The following FARP1 variants were observed in gnomAD, a reference collection of about 807,000 sequenced individuals.
FARP1 encodes the protein FERM, ARHGEF and pleckstrin domain-containing protein 1.
A neutral mutation model predicts 128.8 loss-of-function variants in FARP1; 52 were observed. That is an observed-to-expected ratio of 0.40 (90% CI 0.32 to 0.51). The LOEUF (loss-of-function observed/expected upper bound fraction) is 0.51. Ranked by LOEUF, FARP1 falls within the 20% of genes least tolerant of loss-of-function variation. The pLI, the probability that FARP1 is intolerant of heterozygous loss-of-function variation, is 0.45. For synonymous variants in FARP1, 580 were observed against 551.8 expected (o/e 1.05, Z -0.72); for missense variants, 1,333 against 1,367.9 (o/e 0.97, Z 0.40).
At chr13:98,347,992 TCTC>T (rs1285563690) in intron 3 of FARP1, among the ~76,000 whole-genome samples, 1 of 152,240 alleles carries the variant, frequency 6.6e-6, no homozygotes, top group Non-Finnish European at 1.5e-5. Flanking sequence ...CTGTCTTTCT[TCTC>T]ATCATTTCTG....
At chr13:98,415,546 C>T (rs1312928742) in intron 16 of FARP1, among the ~76,000 whole-genome samples, 1 of 152,238 alleles carries the variant, frequency 6.6e-6, no homozygotes, top group East Asian at 1.9e-4. Flanking sequence ...ACATAGGGCA[C>T]AGAGAGCCGT....
At chr13:98,359,033 T>C (rs551965582) in intron 3 of FARP1, among the ~76,000 whole-genome samples, 14 of 152,346 alleles carry the variant, frequency 9.2e-5, no homozygotes, top group African/African-American at 3.4e-4. Context: ...TTTTCTTGGC[T>C]CCTATATGTG....
At chr13:98,267,255 G>A (rs1482754319) in intron 2 of FARP1, among the ~76,000 whole-genome samples, 4 of 152,124 alleles carry the variant, frequency 2.6e-5, no homozygotes, top group East Asian at 1.9e-4. Flanking sequence ...TCTTTGGGGC[G>A]TGTCTTCCTG....
At chr13:98,377,968 A>G (rs533700953) in intron 6 of FARP1, 50 bp downstream of exon 6, 28 of 1,314,902 alleles carry the variant, frequency 2.1e-5, no homozygotes, top group South Asian at 1.9e-4. Flanking sequence ...TAACACAGTG[A>G]TCTGATTGAT....
chr13:98,412,851 C>T lies in FARP1; in HGVS notation c.1826+817C>T, dbSNP rs118017498. On this transcript the variant is annotated intron_variant, in intron 16 of 26. Coordinates refer to ENST00000319562, the MANE Select transcript of FARP1 (RefSeq NM_005766.4). Reference sequence around the variant, plus strand: ...CATGGGGAGTTGATTGTCTACTAAACATGCATTTGAAAAATGCCAGGAGAA... The same window carrying T: ...CATGGGGAGTTGATTGTCTACTAAATATGCATTTGAAAAATGCCAGGAGAA... Among the ~76,000 whole-genome samples the T allele has an allele frequency of 9.9e-4, 151 of 152,312 alleles. 3 individuals carry two copies. The East Asian group carries it at 0.026, about 26-fold the overall frequency.
chr13:98,302,138 G>T (rs1403047809), intron 2 of FARP1, among the ~76,000 whole-genome samples: 4 of 152,104 alleles, frequency 2.6e-5, no homozygotes, highest in Non-Finnish European at 5.9e-5. Flanking sequence ...GCCACATTTT[G>T]GCACAAAAGC....
chr13:98,181,005 A>G (rs1878466185), intron 1 of FARP1, among the ~76,000 whole-genome samples: 1 of 151,106 alleles, frequency 6.6e-6, no homozygotes, highest in African/African-American at 2.4e-5. Flanking sequence ...TTGTTTTCTT[A>G]GGGTTGATTC....
At chr13:98,250,453 T>A (rs113041095) in intron 2 of FARP1, among the ~76,000 whole-genome samples, 2,373 of 152,278 alleles carry the variant, frequency 0.016, 65 homozygotes, top group African/African-American at 0.05. Flanking sequence ...CCGGGCACGG[T>A]GGCTCACACT....
rs1882583613 is a variant in FARP1, at chr13:98,238,597, G to T, written c.171+25184G>T. Among the ~76,000 whole-genome samples the T allele has an allele frequency of 2.0e-5, 3 of 152,184 alleles. No individual in the cohort carries two copies. In the South Asian group the frequency reaches 6.2e-4, roughly 32 times the overall value. ...CATGTCTTACGTGGTGGCAGGCAAA[G>T]AGAGAGTGTGCAGGGAAACTCCCCT... On this transcript the variant is annotated intron_variant, in intron 2 of 26. Coordinates refer to ENST00000319562, the MANE Select transcript of FARP1 (RefSeq NM_005766.4).
intron 2 of FARP1, among the ~76,000 whole-genome samples, chr13:98,249,361 A>G (rs556059861): frequency 6.6e-5 from 10 of 152,324 alleles, no homozygotes; most frequent in African/African-American, 2.4e-4. Flanking sequence ...TGGGAACATA[A>G]AATTTTTAAT....
In FARP1 at chr13:98,451,733, C is replaced by T. The variant is rs1893202609; in HGVS notation, c.*3416C>T. On this transcript the variant is annotated 3_prime_UTR_variant, in exon 27 of 27. Transcript: ENST00000319562. ...GATGTCAATCATCAGCTTCAACAAACATAAAAGAATGCTTCATGTACCAGT... is the reference window on the plus strand; with the variant it reads ...GATGTCAATCATCAGCTTCAACAAATATAAAAGAATGCTTCATGTACCAGT... 6.6e-6 allele frequency: 1 copy of T among 152,192 alleles called. No homozygotes were observed. Among genetic ancestry groups the T allele is most frequent in the Non-Finnish European group, 1.5e-5 (1 of 68,044 alleles). The allele number at this position is 152,192 out of a possible 1,614,324, so 9.4% of individuals were successfully genotyped here. A position where few individuals can be genotyped will look rare whatever the true frequency, so the allele number is the denominator to read the frequency against.
intron 19 of FARP1, chr13:98,435,992 T>G (rs1182717938): frequency 2.6e-6 from 1 of 386,026 alleles, no homozygotes; most frequent in Non-Finnish European, 5.1e-6. Flanking sequence ...TTGAGATTGC[T>G]TATTTTATTT....
intron 2 of FARP1, among the ~76,000 whole-genome samples, chr13:98,307,533 C>A (rs950646325): frequency 1.3e-5 from 2 of 152,156 alleles, no homozygotes; most frequent in African/African-American, 4.8e-5. Flanking sequence ...CCTGTTCACA[C>A]GCTACAGGCC....
chr13:98,252,542 C>G (rs1363371872), intron 2 of FARP1, among the ~76,000 whole-genome samples: 2 of 152,214 alleles, frequency 1.3e-5, no homozygotes, highest in Admixed American at 6.5e-5. Context: ...CAGGAGTGCC[C>G]TGGTGGCAGA....
chr13:98,180,261 ATGGCAAGAG>A (rs1246563361), intron 1 of FARP1, among the ~76,000 whole-genome samples: 1 of 152,088 alleles, frequency 6.6e-6, no homozygotes, highest in East Asian at 1.9e-4. Context: ...GCTGTGTCAC[ATGGCAAGAG>A]TGGGAGTGAG....
chr13:98,444,110 TC>T (rs1892670072), intron 24 of FARP1, among the ~76,000 whole-genome samples: 2 of 142,804 alleles, frequency 1.4e-5, no homozygotes, highest in African/African-American at 5.3e-5. Context: ...AGTCTTCTTC[TC>T]GGGGGGTCCC....
Position 98,435,726 on chromosome 13 carries a change from CTA to C in FARP1, c.2274+22_2274+23del. On this transcript the variant is annotated intron_variant, in intron 19 of 26. Coordinates refer to ENST00000319562, the MANE Select transcript of FARP1 (RefSeq NM_005766.4). The stretch of plus-strand genomic sequence containing the variant: ...GGAAGGGTAAGCAGCAGTGGCCTCA[CTA>C]TGCACTGCGCGGGGAGCAGAAAGGA... 1 of 1,612,568 alleles carries C rather than the reference CTA, an allele frequency of 6.2e-7. No individual in the cohort carries two copies. The highest frequency in any genetic ancestry group is 8.5e-7 in the Non-Finnish European group (1 of 1,178,614).
chr13:98,329,743 T>C (rs1887406657), intron 2 of FARP1: 1 of 152,220 alleles, frequency 6.6e-6, no homozygotes, highest in Non-Finnish European at 1.5e-5. Context: ...TGTATTATTA[T>C]GGTCTCTCCA....
intron 1 of FARP1, among the ~76,000 whole-genome samples, chr13:98,200,398 C>CT (rs1555327100): frequency 1.3e-4 from 18 of 143,956 alleles, no homozygotes; most frequent in African/African-American, 3.1e-4. Flanking sequence ...CCCCCCCCCC[C>CT]TCCCCTTTGT....
Sources: gnomAD v4.1 joint callset for allele counts (sites outside exome capture counted in the v4.1 genomes callset) on GRCh38, gnomAD v4.1.1 for gene constraint, MANE v1.5 for transcripts, NCBI Gene and HGNC (gene_info 2026-07-23, HGNC 2026-07-21) for gene names.